Variants in HOXC8 observed in about 807,000 individuals in gnomAD.
The protein encoded by HOXC8 is homeobox C8.
A neutral mutation model predicts 25.8 loss-of-function variants in HOXC8; 14 were observed. The ratio of observed to expected loss-of-function variants is 0.54; its 90% CI spans 0.36 to 0.85. HOXC8 has a LOEUF of 0.85. HOXC8 is among the 40% of genes least tolerant of loss of function. The pLI is 0.01. For synonymous variants in HOXC8, 144 were observed against 124.6 expected (o/e 1.16, Z -1.04); for missense variants, 316 against 308.8 (o/e 1.02, Z -0.17).
In HOXC8 at chr12:54,011,179, G is replaced by A. The variant is rs772724811; in HGVS notation, c.527G>A (p.Arg176Gln). 9.3e-6 allele frequency: 15 copies of A among 1,614,086 alleles called. No individual in the cohort carries two copies. The highest frequency in any genetic ancestry group is 4.4e-5 in the South Asian group (4 of 91,074). ...KEFLFNPYLT[R>Q]KRRIEVSHAL... is the part of the protein sequence containing the mutation. ...TTTCTCTTTAATCCTTATTTGACACGAAAACGTCGGATTGAAGTCTCTCAT... is the reference window on the plus strand; with the variant it reads ...TTTCTCTTTAATCCTTATTTGACACAAAAACGTCGGATTGAAGTCTCTCAT... The change falls in exon 2 of 2, where the codon CGA becomes CAA. Residue 176 changes from arginine (R) to glutamine (Q), a missense_variant. Transcript: ENST00000040584.
Position 54,012,094 on chromosome 12 carries a change from C to G in HOXC8, c.*713C>G, listed in dbSNP as rs1242055656. On this transcript the variant is annotated 3_prime_UTR_variant, in exon 2 of 2. Transcript: ENST00000040584. Reference sequence around the variant, plus strand: ...CCTGCAGTCGCCTCTAAAATCCTACCTAACCATCCCATGGTCACTCGGGCC... The same window carrying G: ...CCTGCAGTCGCCTCTAAAATCCTACGTAACCATCCCATGGTCACTCGGGCC... The G allele has an allele frequency of 6.6e-6, 1 of 152,336 alleles. No individual in the cohort carries two copies. Among genetic ancestry groups the G allele is most frequent in the African/African-American group, 2.4e-5 (1 of 41,286 alleles). The allele number at this position is 152,336 out of a possible 1,614,324, so 9.4% of individuals were successfully genotyped here.
At position 54,012,744 on chromosome 12, in the gene HOXC8, T is replaced by C. The variant is rs1437529214; in HGVS notation, c.*1363T>C. Among the ~76,000 whole-genome samples the C allele has an allele frequency of 6.6e-6, 1 of 152,210 alleles. No individual in the cohort carries two copies. The highest frequency in any genetic ancestry group is 1.5e-5 in the Non-Finnish European group (1 of 68,022). ...TTTGTATTGTATACGTGAGTCATAA[T>C]AATAAAAAGAAGAAGAAAAATAATA... On this transcript the variant is annotated 3_prime_UTR_variant, in exon 2 of 2. Transcript: ENST00000040584.
rs1219595950 is a variant in HOXC8, at chr12:54,011,123, C to T, written c.471C>T (p.Ser157=). The T allele has an allele frequency of 4.3e-6, 7 of 1,613,962 alleles. No homozygotes were observed. In the East Asian group the frequency reaches 1.1e-4, roughly 26 times the overall value. The stretch of plus-strand genomic sequence containing the variant: ...GGCGCAGTGGACGGCAAACTTACAG[C>T]CGGTATCAGACCTTGGAACTAGAAA... ...PGRRSGRQTY[S]RYQTLELEKE... is the part of the protein sequence containing the mutation. Residue 157 remains serine (S), a synonymous_variant, in exon 2 of 2, where the codon AGC becomes AGT. Transcript: ENST00000040584.
chr12:54,011,634 C>T lies in HOXC8; in HGVS notation c.*253C>T. On this transcript the variant is annotated 3_prime_UTR_variant, in exon 2 of 2. Transcript: ENST00000040584. ...AAAGTTCGGACTCTCTGTCTCACTCCTTGCCCCACACACACTTGTCCCTGC... is the reference window on the plus strand; with the variant it reads ...AAAGTTCGGACTCTCTGTCTCACTCTTTGCCCCACACACACTTGTCCCTGC... The T allele has an allele frequency of 3.4e-6, 1 of 292,978 alleles. No individual in the cohort carries two copies. The highest frequency in any genetic ancestry group is 6.3e-6 in the Non-Finnish European group (1 of 157,526). The allele number at this position is 292,978 out of a possible 1,614,324, so 18.1% of individuals were successfully genotyped here.
At chr12:54,011,058 C>T (rs371150706) in intron 1 of HOXC8, 31 bp from the exon 2 acceptor site, 20 of 1,533,362 alleles carry the variant, frequency 1.3e-5, no homozygotes, top group South Asian at 4.5e-5. Flanking sequence ...CCCATCCAAA[C>T]GTAACCAGAC....
At chr12:54,010,734 G>A (rs1046282507) in intron 1 of HOXC8, among the ~76,000 whole-genome samples, 4 of 152,196 alleles carry the variant, frequency 2.6e-5, no homozygotes, top group Non-Finnish European at 5.9e-5. Context: ...TTTGGAAACA[G>A]TCTGTCCCCA....
Position 54,009,087 on chromosome 12 carries a change from C to T in HOXC8, c.-198C>T, listed in dbSNP as rs1207508284. 1.7e-5 allele frequency: 5 copies of T among 290,338 alleles called. No homozygotes were observed. The highest frequency in any genetic ancestry group is 6.0e-5 in the East Asian group (1 of 16,736). The allele number at this position is 290,338 out of a possible 1,614,324, so 18.0% of individuals were successfully genotyped here. Reference sequence around the variant, plus strand: ...GCCGCCGCCGCCCGCGCCCCAGCCCCGGGAGCTCTGCTGATCCGGCCGAGC... The same window carrying T: ...GCCGCCGCCGCCCGCGCCCCAGCCCTGGGAGCTCTGCTGATCCGGCCGAGC... On this transcript the variant is annotated 5_prime_UTR_variant, in exon 1 of 2. Transcript: ENST00000040584. The surrounding 1 kb of genome is among the most constrained non-coding windows in gnomAD (Gnocchi z 5.0).
At chr12:54,010,993 A>G in intron 1 of HOXC8, 96 bp from the exon 2 acceptor site, 1 of 835,778 alleles carries the variant, frequency 1.2e-6, no homozygotes. Flanking sequence ...AGGCGAACTG[A>G]GGAGATCAGA....
At position 54,011,403 on chromosome 12, in the gene HOXC8, C is replaced by CT; in HGVS notation, c.*22_*23insT. ...CTAAGCAAAAAAGAAAGACCCCCCCCCCCTTAGCAACTCCCTTGAAGTTTC... is the reference window on the plus strand; with the variant it reads ...CTAAGCAAAAAAGAAAGACCCCCCCCTCCCTTAGCAACTCCCTTGAAGTTTC... On this transcript the variant is annotated 3_prime_UTR_variant, in exon 2 of 2. Transcript: ENST00000040584. 3 of 1,449,798 alleles carry CT rather than the reference C, an allele frequency of 2.1e-6. No homozygotes were observed. Among genetic ancestry groups the CT allele is most frequent in the East Asian group, 2.4e-5 (1 of 41,038 alleles). 89.8% of individuals were successfully genotyped at this position (1,449,798 alleles called of 1,614,324 possible). A position where few individuals can be genotyped will look rare whatever the true frequency, so the allele number is the denominator to read the frequency against.
rs1022161009 is a variant in HOXC8 at position 54,009,946 on chromosome 12, A to G, written c.436+226A>G. ...TTTAGGGGATTGGGGTGAAGGTGAG[A>G]GAAAGCTGGTGTGTGGCCGCAAAGG... On this transcript the variant is annotated intron_variant, in intron 1 of 1. Coordinates refer to ENST00000040584, the MANE Select transcript of HOXC8 (RefSeq NM_022658.4). This position sits in a 1 kb window ranked among gnomAD's most constrained non-coding sequence, Gnocchi z 5.0. Among the ~76,000 whole-genome samples the G allele has an allele frequency of 6.6e-6, 1 of 152,178 alleles. No individual in the cohort carries two copies. Among genetic ancestry groups the G allele is most frequent in the Non-Finnish European group, 1.5e-5 (1 of 68,030 alleles).
rs757395353 is a variant in HOXC8, at chr12:54,011,101, G to A, written c.449G>A (p.Arg150His). The change falls in exon 2 of 2, where the codon CGC becomes CAC. Residue 150 changes from arginine (R) to histidine (H), a missense_variant. Coordinates refer to ENST00000040584, the MANE Select transcript of HOXC8 (RefSeq NM_022658.4). ...TTCTTCTGTCCAGCTCCGGGGAGGC[G>A]CAGTGGACGGCAAACTTACAGCCGG... ...PWMRPHAPGR[R>H]SGRQTYSRYQ... The A allele has an allele frequency of 8.7e-6, 14 of 1,613,556 alleles. No homozygotes were observed. The highest frequency in any genetic ancestry group is 1.6e-4 in the Middle Eastern group (1 of 6,080).
Position 54,011,537 on chromosome 12 carries a change from T to A in HOXC8, c.*156T>A. On this transcript the variant is annotated 3_prime_UTR_variant, in exon 2 of 2. Transcript: ENST00000040584. ...ACCTGTCAGATACTTGCAGCTCTGG[T>A]TTTATTACCTTTGGACTTCCCCCAC... 1 of 948,724 alleles carries A rather than the reference T, an allele frequency of 1.1e-6. No homozygotes were observed. The highest frequency in any genetic ancestry group is 1.7e-5 in the African/African-American group (1 of 58,808). 58.8% of individuals were successfully genotyped at this position (948,724 alleles called of 1,614,324 possible).
In HOXC8 at chr12:54,009,241, C is replaced by T. The variant is rs200420679; in HGVS notation, c.-44C>T. On this transcript the variant is annotated 5_prime_UTR_variant, in exon 1 of 2. Transcript: ENST00000040584. The surrounding 1 kb of genome is among the most constrained non-coding windows in gnomAD (Gnocchi z 5.0). ...TTTCGGGGGTACTGGGCGGGGTACT[C>T]GTGAGCCAGAGGGGAGGGGGCCGCG... The T allele has an allele frequency of 1.9e-4, 285 of 1,489,528 alleles. 1 individual carries two copies. In the Admixed American group the frequency reaches 5.6e-3, roughly 30 times the overall value. 92.3% of individuals were successfully genotyped at this position (1,489,528 alleles called of 1,614,324 possible).
rs776395132 is a variant in HOXC8 at position 54,009,562 on chromosome 12, C to A, written c.278C>A (p.Ala93Glu). The change falls in exon 1 of 2, where the codon GCG (alanine) becomes GAG (glutamate). Residue 93 changes from alanine (A) to glutamate (E), a missense_variant. Physicochemically the swap from Ala to Glu is moderately radical, Grantham distance 107. Coordinates refer to ENST00000040584, the MANE Select transcript of HOXC8 (RefSeq NM_022658.4). The surrounding 1 kb of genome is among the most constrained non-coding windows in gnomAD (Gnocchi z 5.0). Reference sequence around the variant, plus strand: ...GCCTCCAAATTCTATGGCTACGAGGCGCTCCCCAGACAGTCCCTTTATGGG... The same window carrying A: ...GCCTCCAAATTCTATGGCTACGAGGAGCTCCCCAGACAGTCCCTTTATGGG... Reference protein sequence around the residue: ...GDASKFYGYEALPRQSLYGAQ... With the variant: ...GDASKFYGYEELPRQSLYGAQ... 2 of 1,614,214 alleles carry A rather than the reference C, an allele frequency of 1.2e-6. No individual in the cohort carries two copies. Among genetic ancestry groups the A allele is most frequent in the Non-Finnish European group, 1.7e-6 (2 of 1,180,042 alleles).
Position 54,009,364 on chromosome 12 carries a change from G to C in HOXC8, c.80G>C (p.Arg27Pro), listed in dbSNP as rs748760999. The change falls in exon 1 of 2, where the codon CGG becomes CCG. Residue 27 changes from arginine to proline, a missense_variant. By Grantham distance (103) the Arg-to-Pro change is moderately radical. Coordinates refer to ENST00000040584, the MANE Select transcript of HOXC8 (RefSeq NM_022658.4). This position sits in a 1 kb window ranked among gnomAD's most constrained non-coding sequence, Gnocchi z 5.0. ...ESLEPAYYDC[R>P]FPQSVGRSHA... ...CTGGAACCGGCCTATTACGACTGCC[G>C]GTTCCCTCAGAGCGTGGGCAGGAGC... The C allele has an allele frequency of 3.1e-6, 5 of 1,613,562 alleles. No homozygotes were observed. Among genetic ancestry groups the C allele is most frequent in the Non-Finnish European group, 4.2e-6 (5 of 1,179,588 alleles).
rs748659517 is a variant in HOXC8 at position 54,011,403 on chromosome 12, C to CA, written c.*22_*23insA. 5 of 1,449,662 alleles carry CA rather than the reference C, an allele frequency of 3.4e-6. No individual in the cohort carries two copies. Among genetic ancestry groups the CA allele is most frequent in the African/African-American group, 2.9e-5 (2 of 68,164 alleles). The allele number at this position is 1,449,662 out of a possible 1,614,324, so 89.8% of individuals were successfully genotyped here. A position where few individuals can be genotyped will look rare whatever the true frequency, so the allele number is the denominator to read the frequency against. ...CTAAGCAAAAAAGAAAGACCCCCCC[C>CA]CCCTTAGCAACTCCCTTGAAGTTTC... On this transcript the variant is annotated 3_prime_UTR_variant, in exon 2 of 2. Coordinates refer to ENST00000040584, the MANE Select transcript of HOXC8 (RefSeq NM_022658.4).
At position 54,009,642 on chromosome 12, in the gene HOXC8, A is replaced by G. The variant is rs569027750; in HGVS notation, c.358A>G (p.Thr120Ala). 3 of 1,614,180 alleles carry G rather than the reference A, an allele frequency of 1.9e-6. No individual in the cohort carries two copies. The highest frequency in any genetic ancestry group is 2.2e-5 in the East Asian group (1 of 44,870). Reference sequence around the variant, plus strand: ...TCCCGACTGTAAATCCTCCGCCAACACTAACAGTAGCGAAGGACAAGGCCA... The same window carrying G: ...TCCCGACTGTAAATCCTCCGCCAACGCTAACAGTAGCGAAGGACAAGGCCA... ...QYPDCKSSAN[T>A]NSSEGQGHLN... Residue 120 changes from threonine (T) to alanine (A), a missense_variant, in exon 1 of 2, where the codon ACT becomes GCT. Coordinates refer to ENST00000040584, the MANE Select transcript of HOXC8 (RefSeq NM_022658.4). This position sits in a 1 kb window ranked among gnomAD's most constrained non-coding sequence, Gnocchi z 5.0.
chr12:54,010,235 T>C (rs1207219935), intron 1 of HOXC8, among the ~76,000 whole-genome samples: 1 of 152,196 alleles, frequency 6.6e-6, no homozygotes, highest in African/African-American at 2.4e-5. Context: ...ACAGGCTCTC[T>C]GGCTCTCTAG....
Position 54,009,585 on chromosome 12 carries a change from G to T in HOXC8, c.301G>T (p.Gly101Trp). The change falls in exon 1 of 2, where the codon GGG becomes TGG. Residue 101 changes from glycine (G) to tryptophan (W), a missense_variant. By Grantham distance (184) the Gly-to-Trp change is radical. Transcript: ENST00000040584. This position sits in a 1 kb window ranked among gnomAD's most constrained non-coding sequence, Gnocchi z 5.0. ...YEALPRQSLYGAQQEASVVQY... is the reference protein window; with the variant it reads ...YEALPRQSLYWAQQEASVVQY... ...GGCGCTCCCCAGACAGTCCCTTTAT[G>T]GGGCTCAGCAAGAGGCGAGCGTGGT... 2.5e-6 allele frequency: 4 copies of T among 1,614,212 alleles called. No individual in the cohort carries two copies. The highest frequency in any genetic ancestry group is 3.4e-6 in the Non-Finnish European group (4 of 1,180,042).
Sources: gnomAD v4.1 joint callset for allele counts (sites outside exome capture counted in the v4.1 genomes callset) on GRCh38, gnomAD v4.1.1 for gene constraint, Gnocchi (gnomAD v3.1) non-coding constraint, MANE v1.5 for transcripts, NCBI Gene and HGNC (gene_info 2026-07-23, HGNC 2026-07-21) for gene names.